FRYL: variants seen among roughly 807,000 people sequenced by gnomAD.
FRYL encodes FRY like transcription coactivator, also known as protein furry homolog-like.
A neutral mutation model predicts 351.2 loss-of-function variants in FRYL; 150 were observed. That is an observed-to-expected ratio of 0.43 (90% CI 0.37 to 0.49). The LOEUF (loss-of-function observed/expected upper bound fraction) is 0.49. FRYL is among the 20% of genes least tolerant of loss of function. The pLI, the probability that FRYL is intolerant of heterozygous loss-of-function variation, is 0.00. For synonymous variants in FRYL, 1,153 were observed against 1,257.1 expected (o/e 0.92, Z 1.75); for missense variants, 3,036 against 3,619.3 (o/e 0.84, Z 4.13).
rs766798521 is a variant in FRYL at position 48,589,910 on chromosome 4, C to A, written c.1508-33G>T. 10 of 1,541,688 alleles carry A rather than the reference C, an allele frequency of 6.5e-6. No homozygotes were observed. In the South Asian group the frequency reaches 1.1e-4, roughly 18 times the overall value. ...AAAAAACTTCACAGTTATAAAATAT[C>A]TGAAATTAGATAAAGAATACTTACT... is the stretch of plus-strand genomic sequence containing the variant. On this transcript the variant is annotated intron_variant, in intron 17 of 63. Coordinates refer to ENST00000358350, the MANE Select transcript of FRYL (RefSeq NM_015030.2).
intron 8 of FRYL, 62 bp from the exon 9 acceptor site, chr4:48,609,129 A>G: frequency 9.9e-7 from 1 of 1,013,114 alleles, no homozygotes; most frequent in Non-Finnish European, 1.5e-6. Context: ...TCTCTTTCCT[A>G]ATACATATGA....
chr4:48,663,713 T>G (rs1761224600), intron 3 of FRYL, among the ~76,000 whole-genome samples: 1 of 134,684 alleles, frequency 7.4e-6, no homozygotes, highest in African/African-American at 2.8e-5. Flanking sequence ...AGGCGGAGCT[T>G]GCAGTGAGCC....
chr4:48,606,516 G>C lies in FRYL; in HGVS notation c.663C>G (p.Ser221Arg). Residue 221 changes from serine to arginine, a missense_variant, in exon 10 of 64, where the codon AGC becomes AGG. Around this residue, in one of 7 missense-constraint regions of FRYL, gnomAD observed 457 missense variants for 566.6 expected, o/e 0.81. Transcript: ENST00000358350. ...QSPHVVQSVI[S>R]LIMGMKFFRV... ...GAAAAAATTTCATTCCCATTATTAA[G>C]CTGATGACACTTTGTACCACATGTG... The C allele has an allele frequency of 6.2e-7, 1 of 1,612,824 alleles. No individual in the cohort carries two copies. Among genetic ancestry groups the C allele is most frequent in the Non-Finnish European group, 8.5e-7 (1 of 1,179,062 alleles).
Position 48,619,331 on chromosome 4 carries a change from C to A in FRYL, c.354G>T (p.Arg118Ser), listed in dbSNP as rs777276741. 6.3e-7 allele frequency: 1 copy of A among 1,598,930 alleles called. No homozygotes were observed. The highest frequency in any genetic ancestry group is 2.2e-5 in the East Asian group (1 of 44,708). Residue 118 changes from arginine to serine, a missense_variant, in exon 7 of 64, where the codon AGG (arginine) becomes AGT (serine). Around this residue, in one of 7 missense-constraint regions of FRYL, gnomAD observed 457 missense variants for 566.6 expected, o/e 0.81. Coordinates refer to ENST00000358350, the MANE Select transcript of FRYL (RefSeq NM_015030.2). ...AAATGAAGTCTACTGCTAAGTCCCT[C>A]CTTTCAAGAAGATAATCTCTTTCAC... The part of the protein sequence containing the change: ...QQRERDYLLE[R>S]RDLAVDFIFC...
chr4:48,592,223 A>G (rs953960990), intron 16 of FRYL, among the ~76,000 whole-genome samples: 1 of 151,618 alleles, frequency 6.6e-6, no homozygotes, highest in Non-Finnish European at 1.5e-5. Context: ...TCACATAGTC[A>G]AAGACGACAC....
chr4:48,554,663 T>A (rs570963431), intron 35 of FRYL, among the ~76,000 whole-genome samples: 50 of 152,348 alleles, frequency 3.3e-4, no homozygotes, highest in Non-Finnish European at 6.0e-4. Context: ...GGTTACCCAG[T>A]GATAACCTTC....
chr4:48,581,069 G>A lies in FRYL; in HGVS notation c.2173-118C>T, dbSNP rs1392554415. ...ATTTTTTTTTTTTTTTTTTTGAGACGGAGTCTCGCTCTGTCACCCAGGCTG... is the reference window on the plus strand; with the variant it reads ...ATTTTTTTTTTTTTTTTTTTGAGACAGAGTCTCGCTCTGTCACCCAGGCTG... On this transcript the variant is annotated intron_variant, in intron 21 of 63. Transcript: ENST00000358350. 2.9e-5 allele frequency: 17 copies of A among 593,084 alleles called. 3 individuals are homozygous for A. Among genetic ancestry groups the A allele is most frequent in the African/African-American group, 4.0e-5 (2 of 49,944 alleles). The allele number at this position is 593,084 out of a possible 1,614,324, so 36.7% of individuals were successfully genotyped here. A position where few individuals can be genotyped will look rare whatever the true frequency, so the allele number is the denominator to read the frequency against.
intron 44 of FRYL, among the ~76,000 whole-genome samples, chr4:48,542,466 G>C (rs147325465): frequency 1.3e-5 from 2 of 152,306 alleles, no homozygotes; most frequent in African/African-American, 4.8e-5. Flanking sequence ...GCCCAGGCTG[G>C]AGTGCAGTGG....
chr4:48,510,383 C>T (rs777505994), intron 58 of FRYL, among the ~76,000 whole-genome samples: 6 of 152,152 alleles, frequency 3.9e-5, no homozygotes, highest in African/African-American at 1.2e-4. Context: ...TTTTCAAAGA[C>T]GTCATGCCAG....
intron 4 of FRYL, among the ~76,000 whole-genome samples, chr4:48,627,577 G>T (rs1301247173): frequency 2.0e-5 from 3 of 151,826 alleles, no homozygotes; most frequent in Non-Finnish European, 4.4e-5. Flanking sequence ...TTTTCCATAA[G>T]AACTCAGAAG....
At chr4:48,680,782 A>C in intron 3 of FRYL, 1 of 208,924 alleles carries the variant, frequency 4.8e-6, no homozygotes, top group Non-Finnish European at 9.3e-6. Context: ...TTAAAAAAGT[A>C]GGCCAACTAT....
intron 16 of FRYL, 36 bp downstream of exon 16, chr4:48,593,894 C>A: frequency 2.0e-6 from 2 of 998,632 alleles, no homozygotes; most frequent in Non-Finnish European, 1.4e-6. Context: ...AAAAAAAAAT[C>A]TAGGATTTTA....
chr4:48,520,603 A>G (rs1724697743), intron 55 of FRYL: 1 of 152,554 alleles, frequency 6.6e-6, no homozygotes, highest in African/African-American at 2.4e-5. Context: ...TAGTGGTTCC[A>G]AAGTCTTTTT....
At chr4:48,714,917 A>C (rs1484010845) in intron 1 of FRYL, among the ~76,000 whole-genome samples, 1 of 149,610 alleles carries the variant, frequency 6.7e-6, no homozygotes, top group Non-Finnish European at 1.5e-5. Context: ...CAAAAAGCTT[A>C]TCCACCATGA....
rs940027811 is a variant in FRYL at position 48,562,810 on chromosome 4, T to C, written c.3696+79A>G. 7.5e-6 allele frequency: 6 copies of C among 796,656 alleles called. No individual in the cohort carries two copies. The East Asian group carries it at 1.2e-4, about 16-fold the overall frequency. The allele number at this position is 796,656 out of a possible 1,614,324, so 49.3% of individuals were successfully genotyped here. On this transcript the variant is annotated intron_variant, in intron 32 of 63. Coordinates refer to ENST00000358350, the MANE Select transcript of FRYL (RefSeq NM_015030.2). ...ATAAAGCTAAATACTATTATCAGTA[T>C]GCTTTAATAGCAAGACTAAATTATT...
intron 1 of FRYL, among the ~76,000 whole-genome samples, chr4:48,778,434 T>C (rs747671162): frequency 6.6e-6 from 1 of 151,820 alleles, no homozygotes; most frequent in African/African-American, 2.4e-5. Context: ...CACGATGGAA[T>C]GCTATTTTTG....
In FRYL at chr4:48,752,000, G is replaced by C. The variant is rs547605896; in HGVS notation, c.-384+28078C>G. ...AACGAAACATACAGGAAAGTCATCT[G>C]GGAAGCTTCTTGAAAGACTTTCCTC... On this transcript the variant is annotated intron_variant, in intron 1 of 63. Coordinates refer to ENST00000358350, the MANE Select transcript of FRYL (RefSeq NM_015030.2). 2.0e-5 allele frequency among the ~76,000 whole-genome samples: 3 copies of C among 152,260 alleles called. No individual in the cohort carries two copies. In the East Asian group the frequency reaches 5.8e-4, roughly 29 times the overall value.
intron 55 of FRYL, among the ~76,000 whole-genome samples, chr4:48,519,131 A>G (rs549807373): frequency 6.6e-6 from 1 of 152,344 alleles, no homozygotes; most frequent in South Asian, 2.1e-4. Flanking sequence ...AAAGTCTTAA[A>G]TCTTCAGTGT....
chr4:48,707,778 C>G (rs1475493568), intron 2 of FRYL, among the ~76,000 whole-genome samples: 2 of 151,966 alleles, frequency 1.3e-5, no homozygotes, highest in African/African-American at 4.8e-5. Flanking sequence ...GCCAAAGAAT[C>G]ACACCCTTCT....
Sources: allele counts gnomAD v4.1 joint callset (sites outside exome capture counted in the v4.1 genomes callset), GRCh38; gene constraint gnomAD v4.1.1; regional missense constraint gnomAD v4.1.1; transcripts MANE v1.5; gene names NCBI Gene and HGNC (gene_info 2026-07-23, HGNC 2026-07-21).